Variants in PCDH15 observed in about 807,000 individuals in gnomAD.
The protein encoded by PCDH15 is protocadherin-15.
In PCDH15, 129 loss-of-function variants were observed where a neutral mutation model predicts 178.5. That is an observed-to-expected ratio of 0.72 (90% CI 0.63 to 0.84). PCDH15 has a LOEUF of 0.84. Ranked by LOEUF, PCDH15 falls within the 40% of genes least tolerant of loss-of-function variation. PCDH15 has a pLI of 0.00. For missense variants in PCDH15, 2,230 were observed against 2,099.9 expected, an observed-to-expected ratio of 1.06 and a Z score of -1.21; for synonymous variants, 800 against 732.0, an observed-to-expected ratio of 1.09 and a Z score of -1.50.
chr10:54,895,989 C>T (rs1043351845), intron 3 of PCDH15, among the ~76,000 whole-genome samples: 1 of 151,940 alleles, frequency 6.6e-6, no homozygotes, highest in Non-Finnish European at 1.5e-5. Flanking sequence ...CGGGTTCAAG[C>T]GATCCTCCTG....
At chr10:55,295,151 T>A (rs1260825072) in intron 1 of PCDH15, among the ~76,000 whole-genome samples, 1 of 152,206 alleles carries the variant, frequency 6.6e-6, no homozygotes, top group Non-Finnish European at 1.5e-5. Flanking sequence ...TGTATCTAAT[T>A]TCTAACATAC....
chr10:54,706,070 T>C (rs2095362410), intron 1 of PCDH15, among the ~76,000 whole-genome samples: 2 of 152,230 alleles, frequency 1.3e-5, no homozygotes, highest in Admixed American at 1.3e-4. Context: ...AAGCTGAGTC[T>C]CATCCAACTA....
At chr10:54,488,448 T>C (rs914138967) in intron 3 of PCDH15, among the ~76,000 whole-genome samples, 3 of 150,846 alleles carry the variant, frequency 2.0e-5, no homozygotes, top group African/African-American at 7.3e-5. Flanking sequence ...TTTTAAGGTA[T>C]GGTAAAAAAA....
intron 9 of PCDH15, among the ~76,000 whole-genome samples, chr10:54,236,055 G>A (rs2054596032): frequency 6.6e-6 from 1 of 152,160 alleles, no homozygotes; most frequent in African/African-American, 2.4e-5. Context: ...TAAGAGGACA[G>A]AAAGGGGTTG....
At chr10:54,173,346 A>G (rs1385222254) in intron 13 of PCDH15, among the ~76,000 whole-genome samples, 1 of 152,146 alleles carries the variant, frequency 6.6e-6, no homozygotes, top group East Asian at 1.9e-4. Context: ...ACAATAAATC[A>G]TTTTCAAATA....
At chr10:54,529,318 G>A (rs2083679179) in intron 2 of PCDH15, among the ~76,000 whole-genome samples, 1 of 151,904 alleles carries the variant, frequency 6.6e-6, no homozygotes, top group African/African-American at 2.4e-5. Flanking sequence ...CCCTCCTACA[G>A]AGCCCAGCAC....
intron 2 of PCDH15, among the ~76,000 whole-genome samples, chr10:54,658,898 C>T (rs1046380104): frequency 1.3e-5 from 2 of 152,064 alleles, no homozygotes; most frequent in African/African-American, 2.4e-5. Context: ...AAGGGACTGA[C>T]CTACTGTGTA....
intron 2 of PCDH15, among the ~76,000 whole-genome samples, chr10:55,005,229 C>A (rs1021481027): frequency 2.9e-4 from 8 of 27,742 alleles, no homozygotes; most frequent in East Asian, 2.3e-3. Flanking sequence ...TAATAATAAT[C>A]AATGGAGCCT....
At chr10:54,756,086 C>CAT (rs1947062529) in intron 1 of PCDH15, among the ~76,000 whole-genome samples, 1 of 149,514 alleles carries the variant, frequency 6.7e-6, no homozygotes, top group Non-Finnish European at 1.5e-5. Context: ...CACACACACA[C>CAT]ACACACACAC....
At chr10:55,580,447 T>G (rs886817577) in intron 2 of PCDH15, among the ~76,000 whole-genome samples, 3 of 151,126 alleles carry the variant, frequency 2.0e-5, no homozygotes, top group African/African-American at 7.3e-5. Flanking sequence ...AACCTCTGCC[T>G]CCTGGGTTCA....
At chr10:54,800,443 C>T (rs1447257814) in intron 1 of PCDH15, among the ~76,000 whole-genome samples, 1 of 152,098 alleles carries the variant, frequency 6.6e-6, no homozygotes, top group Admixed American at 6.5e-5. Flanking sequence ...AAATACTGTT[C>T]ATTGTGAGGC....
intron 1 of PCDH15, among the ~76,000 whole-genome samples, chr10:55,307,436 G>A (rs1374272257): frequency 2.0e-5 from 3 of 151,548 alleles, no homozygotes. Flanking sequence ...CCGGGAGGCT[G>A]AGCTTGCAGT....
chr10:54,827,637 AG>A (rs1231706781), intron 3 of PCDH15, among the ~76,000 whole-genome samples: 4 of 152,108 alleles, frequency 2.6e-5, no homozygotes, highest in Admixed American at 2.6e-4. Flanking sequence ...TTTTCAACAT[AG>A]AAGATCTGGC....
chr10:54,329,757 T>G (rs1422966602), intron 6 of PCDH15, 51 bp from the exon 7 acceptor site: 4 of 1,177,980 alleles, frequency 3.4e-6, no homozygotes, highest in Non-Finnish European at 5.1e-6. Flanking sequence ...TAAGATGAAT[T>G]AATAACTCAA....
chr10:54,301,612 G>C (rs1389434482), intron 8 of PCDH15, among the ~76,000 whole-genome samples: 4 of 152,164 alleles, frequency 2.6e-5, no homozygotes, highest in Middle Eastern at 3.2e-3. Flanking sequence ...ACTGAGGCTA[G>C]ATGACTGGGC....
In PCDH15 at chr10:54,836,178, A is replaced by T. The variant is rs558906214; in HGVS notation, c.-29+61272T>A. On this transcript the variant is annotated intron_variant, in intron 3 of 5. Transcript: ENST00000458638. Reference sequence around the variant, plus strand: ...CAGAGAAGATAAAGAGTTAGTGGAGAGGGATGATTAAAAAATTAGAATTGA... The same window carrying T: ...CAGAGAAGATAAAGAGTTAGTGGAGTGGGATGATTAAAAAATTAGAATTGA... Among the ~76,000 whole-genome samples the T allele has an allele frequency of 2.6e-5, 4 of 152,292 alleles. No individual in the cohort carries two copies. The South Asian group carries it at 6.2e-4, about 24-fold the overall frequency.
intron 3 of PCDH15, among the ~76,000 whole-genome samples, chr10:54,462,339 C>G (rs1287627284): frequency 6.6e-6 from 1 of 151,708 alleles, no homozygotes; most frequent in African/African-American, 2.4e-5. Context: ...CTTACTTGAC[C>G]TAAAACTGCA....
chr10:54,714,141 G>A (rs2095453228), intron 1 of PCDH15, among the ~76,000 whole-genome samples: 1 of 152,106 alleles, frequency 6.6e-6, no homozygotes, highest in African/African-American at 2.4e-5. Flanking sequence ...GACTTAGAAA[G>A]AACAATGTCA....
rs909057807 is a variant in PCDH15, at chr10:54,609,233, T to G, written c.91+54939A>C. 2.0e-5 allele frequency among the ~76,000 whole-genome samples: 3 copies of G among 152,188 alleles called. No individual in the cohort carries two copies. The East Asian group carries it at 5.8e-4, about 29-fold the overall frequency. ...ACCTGAAGGCAGATATTCATTATAA[T>G]AGTCAAATATCATAAATACATTTCA... On this transcript the variant is annotated intron_variant, in intron 2 of 37. Coordinates refer to ENST00000644397, the MANE Select transcript of PCDH15 (RefSeq NM_001384140.1).
Sources: gnomAD v4.1 joint callset for allele counts (sites outside exome capture counted in the v4.1 genomes callset) on GRCh38, gnomAD v4.1.1 for gene constraint, MANE v1.5 for transcripts, NCBI Gene and HGNC (gene_info 2026-07-23, HGNC 2026-07-21) for gene names.